The following PLXDC2 variants were observed in gnomAD, a reference collection of about 807,000 sequenced individuals.
The protein encoded by PLXDC2 is plexin domain containing 2.
PLXDC2 carries 40 observed loss-of-function variants against 68.9 expected under a neutral mutation model. The observed-to-expected ratio is 0.58, with a 90% CI of 0.45 to 0.76. The LOEUF is 0.76. PLXDC2 is among the 30% of genes least tolerant of loss of function. The pLI, the probability that PLXDC2 is intolerant of heterozygous loss-of-function variation, is 0.00. For synonymous variants in PLXDC2, 243 were observed against 234.2 expected (o/e 1.04, Z -0.34); for missense variants, 644 against 661.9 (o/e 0.97, Z 0.30).
chr10:20,166,131 C>G (rs1181149479), intron 7 of PLXDC2, among the ~76,000 whole-genome samples: 3 of 152,004 alleles, frequency 2.0e-5, no homozygotes, highest in Non-Finnish European at 4.4e-5. Flanking sequence ...GGTGATTATA[C>G]TTAATTATGT....
intron 4 of PLXDC2, among the ~76,000 whole-genome samples, chr10:20,133,504 A>T (rs566482331): frequency 6.6e-6 from 1 of 152,094 alleles, no homozygotes; most frequent in Non-Finnish European, 1.5e-5. Context: ...GTTTACTTTC[A>T]ACACTTTGAA....
intron 1 of PLXDC2, among the ~76,000 whole-genome samples, chr10:19,935,902 A>G (rs1289279105): frequency 2.6e-5 from 4 of 152,322 alleles, no homozygotes; most frequent in African/African-American, 9.6e-5. Context: ...CATCCATCCA[A>G]TAGCTAGATC....
chr10:20,203,486 T>C (rs576493516), intron 9 of PLXDC2, among the ~76,000 whole-genome samples: 38 of 151,864 alleles, frequency 2.5e-4, no homozygotes, highest in Non-Finnish European at 4.6e-4. Flanking sequence ...TCTTTTTCTT[T>C]TTTTTGTAGA....
chr10:20,167,895 C>T (rs549311284), intron 7 of PLXDC2, among the ~76,000 whole-genome samples: 269 of 152,200 alleles, frequency 1.8e-3, no homozygotes, highest in Admixed American at 4.3e-3. Context: ...ATTAAAATTT[C>T]TCCCTATTCA....
At chr10:20,040,338 G>A (rs1835661972) in intron 2 of PLXDC2, among the ~76,000 whole-genome samples, 1 of 152,046 alleles carries the variant, frequency 6.6e-6, no homozygotes, top group Non-Finnish European at 1.5e-5. Context: ...GATTTTTGGT[G>A]TCCTTGGCTT....
intron 13 of PLXDC2, among the ~76,000 whole-genome samples, chr10:20,267,507 A>G (rs947148113): frequency 2.6e-5 from 4 of 152,116 alleles, no homozygotes; most frequent in African/African-American, 9.7e-5. Flanking sequence ...GAACCATTCT[A>G]TGTAACTCAA....
chr10:19,866,621 C>T (rs1837421300), intron 1 of PLXDC2, among the ~76,000 whole-genome samples: 1 of 152,166 alleles, frequency 6.6e-6, no homozygotes, highest in Non-Finnish European at 1.5e-5. Flanking sequence ...TCACCCAGTG[C>T]ACAGAACAAG....
chr10:20,255,756 A>C (rs941389474), intron 13 of PLXDC2, among the ~76,000 whole-genome samples: 1 of 152,068 alleles, frequency 6.6e-6, no homozygotes, highest in Non-Finnish European at 1.5e-5. Context: ...AGAGAGTATG[A>C]ATGTAAAGAA....
In PLXDC2 at chr10:20,051,077, C is replaced by A. The variant is rs529827903; in HGVS notation, c.471+4062C>A. On this transcript the variant is annotated intron_variant, in intron 3 of 13. Transcript: ENST00000377252. ...CCATATAAAAAGAACAAGATCATGT[C>A]TTTTGTGGGAACATGGATGGAACTG... Among the ~76,000 whole-genome samples the A allele has an allele frequency of 5.4e-4, 82 of 152,130 alleles. No individual in the cohort carries two copies. The South Asian group carries it at 8.3e-3, about 15-fold the overall frequency.
chr10:20,026,957 T>C (rs1835416649), intron 2 of PLXDC2, among the ~76,000 whole-genome samples: 2 of 4,538 alleles, frequency 4.4e-4, no homozygotes, highest in African/African-American at 1.5e-3. Context: ...TATTCTAATA[T>C]ATAGAATACA....
chr10:20,201,905 GAGGTTGA>G (rs1201650091), intron 9 of PLXDC2, among the ~76,000 whole-genome samples: 4 of 152,028 alleles, frequency 2.6e-5, no homozygotes, highest in African/African-American at 9.7e-5. Context: ...AAATAAAGAC[GAGGTTGA>G]ACGTAAAACT....
chr10:20,080,594 C>T (rs1836536556), intron 4 of PLXDC2, among the ~76,000 whole-genome samples: 1 of 152,174 alleles, frequency 6.6e-6, no homozygotes, highest in African/African-American at 2.4e-5. Flanking sequence ...GTCAGCTTCT[C>T]CCACCTTCTC....
rs1564377825 is a variant in PLXDC2, at chr10:20,287,992, GGGGGC to G, written c.*8176_*8180del. 5.8e-5 allele frequency: 6 copies of G among 103,544 alleles called. No individual in the cohort carries two copies. The South Asian group carries it at 1.6e-3, about 28-fold the overall frequency. The allele number at this position is 103,544 out of a possible 1,614,324, so 6.4% of individuals were successfully genotyped here. ...CACTTCTTGCGGCGGGGGAGGGGGG[GGGGGC>G]GGTGGCTTTCCAGATTTTATGCCAG... On this transcript the variant is annotated 3_prime_UTR_variant, in exon 14 of 14. Transcript: ENST00000377252.
intron 1 of PLXDC2, among the ~76,000 whole-genome samples, chr10:19,933,676 A>T (rs1235614942): frequency 6.6e-6 from 1 of 151,788 alleles, no homozygotes; most frequent in Non-Finnish European, 1.5e-5. Flanking sequence ...ACACAAACAC[A>T]CACGCGTGCA....
intron 6 of PLXDC2, 104 bp downstream of exon 6, chr10:20,148,006 C>A: frequency 3.8e-6 from 3 of 795,200 alleles, no homozygotes; most frequent in East Asian, 2.5e-5. Flanking sequence ...ATCCTCAAAT[C>A]ATTTTCTTGC....
Position 19,820,806 on chromosome 10 carries a change from G to T in PLXDC2, c.112+3615G>T, listed in dbSNP as rs189479808. ...AAGTCTTCAGCTGCAGGCTGGGCACGGCAGCTCATGCCTGTAATCCCAGCA... is the reference window on the plus strand; with the variant it reads ...AAGTCTTCAGCTGCAGGCTGGGCACTGCAGCTCATGCCTGTAATCCCAGCA... On this transcript the variant is annotated intron_variant, in intron 1 of 13. Transcript: ENST00000377252. 5.3e-5 allele frequency among the ~76,000 whole-genome samples: 8 copies of T among 152,218 alleles called. No homozygotes were observed. In the East Asian group the frequency reaches 1.6e-3, roughly 30 times the overall value.
intron 1 of PLXDC2, among the ~76,000 whole-genome samples, chr10:19,915,416 C>G (rs1289677094): frequency 6.6e-6 from 1 of 152,100 alleles, no homozygotes; most frequent in Non-Finnish European, 1.5e-5. Context: ...ATGTTTTAGC[C>G]ATCTCACATT....
chr10:20,005,107 G>A (rs17760485), intron 2 of PLXDC2, among the ~76,000 whole-genome samples: 24,158 of 152,110 alleles, frequency 0.16, 2,346 homozygotes, highest in Non-Finnish European at 0.22. Context: ...AACCCTGCTG[G>A]TATTCAAATG....
chr10:19,941,968 T>G (rs1833826811), intron 1 of PLXDC2, among the ~76,000 whole-genome samples: 1 of 147,462 alleles, frequency 6.8e-6, no homozygotes, highest in African/African-American at 2.5e-5. Flanking sequence ...GCCTTTGACA[T>G]TTAGAGAAAA....
Sources: gnomAD v4.1 joint callset for allele counts (sites outside exome capture counted in the v4.1 genomes callset) on GRCh38, gnomAD v4.1.1 for gene constraint, MANE v1.5 for transcripts, NCBI Gene and HGNC (gene_info 2026-07-23, HGNC 2026-07-21) for gene names.